The following TSNAXIP1 variants were observed in gnomAD, a reference collection of about 807,000 sequenced individuals.
The protein encoded by TSNAXIP1 is translin-associated factor X-interacting protein 1.
In TSNAXIP1, 89 loss-of-function variants were observed where a neutral mutation model predicts 84.8. That is an observed-to-expected ratio of 1.05 (90% CI 0.88 to 1.25). The LOEUF (loss-of-function observed/expected upper bound fraction) is 1.25. Ranked by LOEUF, TSNAXIP1 falls within the 50% of genes most tolerant of loss-of-function variation. The pLI is 0.00. For missense variants in TSNAXIP1, 874 were observed against 887.6 expected (o/e 0.98, Z 0.20); for synonymous variants, 347 against 335.2 (o/e 1.04, Z -0.39).
At chr16:67,808,348 G>A (rs1288117007) in intron 1 of TSNAXIP1, among the ~76,000 whole-genome samples, 4 of 152,114 alleles carry the variant, frequency 2.6e-5, no homozygotes, top group Non-Finnish European at 5.9e-5. Context: ...AGGCCGAGGC[G>A]GGGGGATCAC....
intron 1 of TSNAXIP1, among the ~76,000 whole-genome samples, chr16:67,808,192 C>T (rs915900119): frequency 1.3e-5 from 2 of 151,832 alleles, no homozygotes; most frequent in Non-Finnish European, 2.9e-5. Context: ...CCCCCTTCTA[C>T]TCATTCCCAG....
chr16:67,825,231 T>C lies in TSNAXIP1; in HGVS notation c.773T>C (p.Leu258Pro), dbSNP rs147956019. The part of the protein sequence containing the change: ...CKILIADLNE[L>P]RYQREDMSLA... ...ATCCTCATCGCAGACCTGAATGAGC[T>C]GCGGTACCAGCGGGAGGACATGTCA... The change falls in exon 7 of 16, where the codon CTG becomes CCG. Residue 258 changes from leucine (L) to proline (P), a missense_variant. Transcript: ENST00000561639. 3.7e-6 allele frequency: 6 copies of C among 1,614,170 alleles called. No individual in the cohort carries two copies. The highest frequency in any genetic ancestry group is 5.1e-6 in the Non-Finnish European group (6 of 1,180,004).
chr16:67,820,791 G>GA, intron 2 of TSNAXIP1, 48 bp from the exon 3 acceptor site: 1 of 1,355,614 alleles, frequency 7.4e-7, no homozygotes, highest in African/African-American at 1.5e-5. Context: ...GAAACATTAG[G>GA]AAGGGGAGCA....
rs780179609 is a variant in TSNAXIP1, at chr16:67,814,336, G to T, written c.82G>T (p.Glu28Ter). 3 of 1,535,984 alleles carry T rather than the reference G, an allele frequency of 2.0e-6. No individual in the cohort carries two copies. Among genetic ancestry groups the T allele is most frequent in the Non-Finnish European group, 8.7e-7 (1 of 1,146,882 alleles). The change falls in exon 2 of 16, where the codon GAA (glutamate) becomes TAA (stop). Residue 28 changes from glutamate to a stop codon, truncating the protein, a stop_gained. Transcript: ENST00000561639. LOFTEE classifies it high-confidence loss of function. ...ACGGCCTTCAGGAGTGACCATAGACGAATCCTTTCTCACAGAAGACAAGAG... is the reference window on the plus strand; with the variant it reads ...ACGGCCTTCAGGAGTGACCATAGACTAATCCTTTCTCACAGAAGACAAGAG... The part of the protein sequence containing the change: ...QPRPSGVTID[E>*]SFLTEDKSTQ...
rs534031750 is a variant in TSNAXIP1, at chr16:67,826,141, C to T, written c.1145-11C>T. On this transcript the variant is annotated splice_polypyrimidine_tract_variant and intron_variant, in intron 9 of 15. Coordinates refer to ENST00000561639, the MANE Select transcript of TSNAXIP1 (RefSeq NM_001288990.3). Reference sequence around the variant, plus strand: ...TGGGCCCAGACTCCAGCTCCCTCTCCCCACATGCAGATGTGGTGGCTGGGG... The same window carrying T: ...TGGGCCCAGACTCCAGCTCCCTCTCTCCACATGCAGATGTGGTGGCTGGGG... 5 of 1,613,252 alleles carry T rather than the reference C, an allele frequency of 3.1e-6. No individual in the cohort carries two copies. In the Admixed American group the frequency reaches 8.3e-5, roughly 27 times the overall value.
chr16:67,821,862 G>A (rs537694682), intron 4 of TSNAXIP1, among the ~76,000 whole-genome samples: 18 of 152,192 alleles, frequency 1.2e-4, no homozygotes, highest in Admixed American at 4.6e-4. Flanking sequence ...GTACACACCT[G>A]TAGTCCCAGC....
At chr16:67,812,350 A>G (rs1210092926) in intron 1 of TSNAXIP1, among the ~76,000 whole-genome samples, 1 of 151,846 alleles carries the variant, frequency 6.6e-6, no homozygotes, top group African/African-American at 2.4e-5. Flanking sequence ...GGTATTTTGC[A>G]TATCTCATTT....
chr16:67,818,730 G>C (rs923426868), intron 2 of TSNAXIP1, among the ~76,000 whole-genome samples: 1 of 147,854 alleles, frequency 6.8e-6, no homozygotes, highest in African/African-American at 2.5e-5. Flanking sequence ...TTGAGACAGA[G>C]TCTCTCTCTG....
intron 1 of TSNAXIP1, among the ~76,000 whole-genome samples, chr16:67,811,934 A>T (rs2056121100): frequency 6.6e-6 from 1 of 152,126 alleles, no homozygotes; most frequent in Non-Finnish European, 1.5e-5. Flanking sequence ...GCAATAGAGG[A>T]CTAGGGTTTG....
chr16:67,815,032 A>G (rs1241163013), intron 2 of TSNAXIP1, among the ~76,000 whole-genome samples: 1 of 152,140 alleles, frequency 6.6e-6, no homozygotes, highest in Non-Finnish European at 1.5e-5. Context: ...TTAAAAAAAA[A>G]AAGAGCCGGG....
intron 1 of TSNAXIP1, among the ~76,000 whole-genome samples, chr16:67,811,558 C>T (rs1164885049): frequency 2.0e-5 from 3 of 150,026 alleles, no homozygotes. Flanking sequence ...TCTCCTGCCT[C>T]AGCCTCCCGA....
intron 1 of TSNAXIP1, among the ~76,000 whole-genome samples, chr16:67,812,787 TA>T: frequency 6.6e-6 from 1 of 151,562 alleles, no homozygotes; most frequent in South Asian, 2.1e-4. Flanking sequence ...AATAAATAAA[TA>T]AAAATAGAGG....
rs539983984 is a variant in TSNAXIP1 at position 67,817,441 on chromosome 16, C to T, written c.147+3040C>T. Among the ~76,000 whole-genome samples, 962 of 149,310 alleles carry T rather than the reference C, an allele frequency of 6.4e-3. 9 individuals carry two copies. The highest frequency in any genetic ancestry group is 0.01 in the Admixed American group (150 of 14,864). On this transcript the variant is annotated intron_variant, in intron 2 of 15. Coordinates refer to ENST00000561639, the MANE Select transcript of TSNAXIP1 (RefSeq NM_001288990.3). ...GATTACAGGCGTGAGCCACCGCGCC[C>T]GGCCATTTTTTGCGTTTTTAGTAGA...
intron 2 of TSNAXIP1, among the ~76,000 whole-genome samples, chr16:67,819,740 C>G (rs963161022): frequency 2.0e-5 from 3 of 151,092 alleles, no homozygotes; most frequent in Admixed American, 6.6e-5. Flanking sequence ...CTCCGCTTCC[C>G]GGGTTCAAGG....
intron 7 of TSNAXIP1, 125 bp downstream of exon 7, chr16:67,825,397 A>T: frequency 7.3e-7 from 1 of 1,364,570 alleles, no homozygotes; most frequent in Admixed American, 2.2e-5. Flanking sequence ...TTCAGAGGGG[A>T]GATGTCCCTG....
Position 67,825,795 on chromosome 16 carries a change from T to C in TSNAXIP1, c.943T>C (p.Phe315Leu). ...TGGAGATGTGGTCCCCAGGAGGGAC[T>C]TTGAAATGCAGGAGAAGACCAACAA... is the stretch of plus-strand genomic sequence containing the variant. ...NFGDVVPRRD[F>L]EMQEKTNKDL... Residue 315 changes from phenylalanine (F) to leucine (L), a missense_variant, in exon 8 of 16, where the codon TTT (phenylalanine) becomes CTT (leucine). By Grantham distance (22) the Phe-to-Leu change is conservative. Coordinates refer to ENST00000561639, the MANE Select transcript of TSNAXIP1 (RefSeq NM_001288990.3). The C allele has an allele frequency of 6.2e-7, 1 of 1,614,104 alleles. No individual in the cohort carries two copies. Among genetic ancestry groups the C allele is most frequent in the South Asian group, 1.1e-5 (1 of 91,088 alleles).
At chr16:67,827,663 C>T (rs1391629197) in intron 15 of TSNAXIP1, 84 bp downstream of exon 15, 10 of 1,610,452 alleles carry the variant, frequency 6.2e-6, no homozygotes, top group African/African-American at 1.3e-5. Context: ...GCACCATCCA[C>T]TGCTCAGCCC....
chr16:67,818,676 G>A (rs2151226027), intron 2 of TSNAXIP1, among the ~76,000 whole-genome samples: 1 of 151,914 alleles, frequency 6.6e-6, no homozygotes, highest in African/African-American at 2.4e-5. Flanking sequence ...GAGAAGCCCA[G>A]CGTGGGCAAC....
In TSNAXIP1 at chr16:67,825,935, A is replaced by G. The variant is rs2057405812; in HGVS notation, c.1003A>G (p.Ser335Gly). The G allele has an allele frequency of 2.5e-6, 4 of 1,614,148 alleles. No homozygotes were observed. In the Middle Eastern group the frequency reaches 6.6e-4, roughly 266 times the overall value. ...CCCACAGCTGGACACCCTGAGAGCCAGCTACGAGGAGGTTCGCAAGGAGCA... is the reference window on the plus strand; with the variant it reads ...CCCACAGCTGGACACCCTGAGAGCCGGCTACGAGGAGGTTCGCAAGGAGCA... ...LQEQLDTLRA[S>G]YEEVRKEHEI... is the part of the protein sequence containing the mutation. The change falls in exon 9 of 16, where the codon AGC (serine) becomes GGC (glycine). Residue 335 changes from serine (S) to glycine (G), a missense_variant. Physicochemically the swap from Ser to Gly is moderately conservative, Grantham distance 56. Coordinates refer to ENST00000561639, the MANE Select transcript of TSNAXIP1 (RefSeq NM_001288990.3).
Sources: gnomAD v4.1 joint callset for allele counts (sites outside exome capture counted in the v4.1 genomes callset) on GRCh38, gnomAD v4.1.1 for gene constraint, MANE v1.5 for transcripts, NCBI Gene and HGNC (gene_info 2026-07-23, HGNC 2026-07-21) for gene names.